CSRP1: variants seen among roughly 807,000 people sequenced by gnomAD.
The protein encoded by CSRP1 is cysteine and glycine-rich protein 1.
CSRP1 carries 16 observed loss-of-function variants against 25.4 expected under a neutral mutation model. The observed-to-expected ratio is 0.63, with a 90% confidence interval of 0.43 to 0.96. The LOEUF is 0.96. CSRP1 is among the 40% of genes least tolerant of loss of function. The probability of loss-of-function intolerance (pLI) is 0.00; values close to 1 mark genes in which losing one functional copy is unlikely to be tolerated. For missense variants in CSRP1, 212 were observed against 243.6 expected (o/e 0.87, Z 0.86); for synonymous variants, 97 against 95.3 (o/e 1.02, Z -0.10).
intron 3 of CSRP1, 174 bp downstream of exon 3, chr1:201,490,000 TCC>T (rs1165735362): frequency 1.7e-6 from 1 of 599,822 alleles, no homozygotes; most frequent in East Asian, 2.8e-5. Flanking sequence ...CCCTGCTGCA[TCC>T]CCAGCTCCTG....
rs757870832 is a variant in CSRP1 at position 201,490,342 on chromosome 1, C to T, written c.115G>A (p.Val39Ile). 1.7e-5 allele frequency: 27 copies of T among 1,613,626 alleles called. No individual in the cohort carries two copies. In the East Asian group the frequency reaches 5.8e-4, roughly 35 times the overall value. Residue 39 changes from valine to isoleucine, a missense_variant and splice_region_variant, in exon 3 of 6, where the codon GTC (valine) becomes ATC (isoleucine). Physicochemically the swap from Val to Ile is conservative, Grantham distance 29. Transcript: ENST00000340006. ...GTACTGTCCAGATTCTTCTTGCAGA[C>T]CACTGTGGAGGGGAAGGGGAAGCGG... ...SFHKSCFLCM[V>I]CKKNLDSTTV... is the part of the protein sequence containing the mutation.
intron 4 of CSRP1, chr1:201,486,931 C>T: frequency 7.9e-7 from 1 of 1,271,900 alleles, no homozygotes; most frequent in Middle Eastern, 2.4e-4. Context: ...AACAAAAAAC[C>T]CAACTTAATA....
At chr1:201,485,953 ACT>A (rs1233647224) in intron 4 of CSRP1, 3 of 152,286 alleles carry the variant, frequency 2.0e-5, no homozygotes, top group African/African-American at 7.2e-5. Flanking sequence ...GACAACATTG[ACT>A]CTGGCTTCCT....
At chr1:201,505,417 A>G (rs1380263025) in intron 1 of CSRP1, among the ~76,000 whole-genome samples, 1 of 152,216 alleles carries the variant, frequency 6.6e-6, no homozygotes, top group Non-Finnish European at 1.5e-5. Context: ...GACAGACCAC[A>G]GGCAAATAGG....
At chr1:201,491,275 A>T (rs1402408913) in intron 2 of CSRP1, 3 of 152,172 alleles carry the variant, frequency 2.0e-5, no homozygotes, top group Non-Finnish European at 2.9e-5. Context: ...TATTTATTTA[A>T]AAATAAATAA....
Position 201,484,487 on chromosome 1 carries a change from T to G in CSRP1, c.*226A>C. On this transcript the variant is annotated 3_prime_UTR_variant, in exon 6 of 6. Coordinates refer to ENST00000340006, the MANE Select transcript of CSRP1 (RefSeq NM_004078.3). ...CTCACCTAGACCCAAAACACTGAGGTCTCCTACTGGTGATGGTGTCAGATC... is the reference window on the plus strand; with the variant it reads ...CTCACCTAGACCCAAAACACTGAGGGCTCCTACTGGTGATGGTGTCAGATC... 1 of 573,752 alleles carries G rather than the reference T, an allele frequency of 1.7e-6. No homozygotes were observed. 35.5% of individuals were successfully genotyped at this position (573,752 alleles called of 1,614,324 possible).
chr1:201,486,511 C>T, intron 4 of CSRP1: 1 of 985,630 alleles, frequency 1.0e-6, no homozygotes, highest in Admixed American at 6.1e-5. Context: ...CTCCAGAGAG[C>T]TGAAATGGGG....
chr1:201,500,962 G>T (rs1046002046), intron 1 of CSRP1, among the ~76,000 whole-genome samples: 1 of 152,232 alleles, frequency 6.6e-6, no homozygotes. Context: ...AGTTCAGGCT[G>T]TACAGGTCAA....
At chr1:201,490,901 G>A (rs1420496140) in intron 2 of CSRP1, 4 of 152,346 alleles carry the variant, frequency 2.6e-5, no homozygotes, top group Non-Finnish European at 5.9e-5. Flanking sequence ...AACATGGTGG[G>A]CTTTGAAATG....
intron 1 of CSRP1, among the ~76,000 whole-genome samples, chr1:201,499,182 C>T (rs949551151): frequency 2.0e-5 from 3 of 152,172 alleles, no homozygotes; most frequent in Admixed American, 6.5e-5. Context: ...AGCTGAAAAC[C>T]GTACGATGTG....
chr1:201,500,987 A>G (rs1256728409), intron 1 of CSRP1, among the ~76,000 whole-genome samples: 3 of 152,350 alleles, frequency 2.0e-5, no homozygotes, highest in Admixed American at 6.5e-5. Context: ...TAGGAAAACA[A>G]GAGCTGGGAT....
intron 1 of CSRP1, among the ~76,000 whole-genome samples, chr1:201,505,583 A>G (rs1399089151): frequency 1.3e-5 from 2 of 151,990 alleles, no homozygotes; most frequent in Admixed American, 1.3e-4. Context: ...CCTCTAACCC[A>G]CACTACACCC....
At chr1:201,505,866 C>T (rs1664810182) in intron 1 of CSRP1, among the ~76,000 whole-genome samples, 1 of 152,196 alleles carries the variant, frequency 6.6e-6, no homozygotes, top group Non-Finnish European at 1.5e-5. Context: ...GGGAAAATCC[C>T]CAACATGCAG....
intron 4 of CSRP1, chr1:201,487,106 A>C: frequency 1.7e-3 from 1,162 of 670,330 alleles, no homozygotes; most frequent in Non-Finnish European, 2.5e-3. Context: ...GTACTATCTC[A>C]TTTAATCATT....
chr1:201,483,992 AG>A lies in CSRP1; in HGVS notation c.*720del. On this transcript the variant is annotated 3_prime_UTR_variant, in exon 6 of 6. Coordinates refer to ENST00000340006, the MANE Select transcript of CSRP1 (RefSeq NM_004078.3). Reference sequence around the variant, plus strand: ...CAATATATGTTTCAGGTATTTCATTAGGATCCTCCCATCAAGCAGGGAACTA... The same window carrying A: ...CAATATATGTTTCAGGTATTTCATTAGATCCTCCCATCAAGCAGGGAACTA... 2 of 695,650 alleles carry A rather than the reference AG, an allele frequency of 2.9e-6. No homozygotes were observed. The highest frequency in any genetic ancestry group is 5.3e-6 in the Non-Finnish European group (2 of 379,296). 43.1% of individuals were successfully genotyped at this position (695,650 alleles called of 1,614,324 possible).
At chr1:201,504,920 G>A (rs1282968588) in intron 1 of CSRP1, among the ~76,000 whole-genome samples, 11 of 152,246 alleles carry the variant, frequency 7.2e-5, no homozygotes, top group East Asian at 3.9e-4. Context: ...CCAACATGGC[G>A]AAATGCCGTC....
chr1:201,485,024 CTGCTGTAAGAACAT>C (rs1208414679), intron 5 of CSRP1, among the ~76,000 whole-genome samples: 1 of 152,090 alleles, frequency 6.6e-6, no homozygotes, highest in African/African-American at 2.4e-5. Context: ...GAAGCATCAT[CTGCTGTAAGAACAT>C]TGGACTGGGA....
intron 3 of CSRP1, 62 bp from the exon 4 acceptor site, chr1:201,489,046 T>G: frequency 1.9e-6 from 3 of 1,600,162 alleles, no homozygotes; most frequent in Non-Finnish European, 2.6e-6. Flanking sequence ...GGGCTGGCAC[T>G]GAGAGGGCAT....
chr1:201,498,542 C>G (rs558522521), intron 1 of CSRP1, among the ~76,000 whole-genome samples: 2 of 152,208 alleles, frequency 1.3e-5, no homozygotes, highest in Non-Finnish European at 2.9e-5. Context: ...AGGGCTTGCA[C>G]CAGCAGCTGG....
Sources: allele counts gnomAD v4.1 joint callset (sites outside exome capture counted in the v4.1 genomes callset), GRCh38; gene constraint gnomAD v4.1.1; transcripts MANE v1.5; gene names NCBI Gene and HGNC (gene_info 2026-07-23, HGNC 2026-07-21).